RBFOX1: variants seen among roughly 807,000 people sequenced by gnomAD.
RBFOX1 encodes RNA binding protein fox-1 homolog 1.
RBFOX1 carries 8 observed loss-of-function variants against 57.7 expected under a neutral mutation model. The ratio of observed to expected loss-of-function variants is 0.14; its 90% CI spans 0.08 to 0.25. The LOEUF (loss-of-function observed/expected upper bound fraction) is 0.25, where lower values mean the gene tolerates loss of function less well. Among genes scored for constraint, RBFOX1 ranks in the 10% least tolerant of loss-of-function variants. The probability of loss-of-function intolerance (pLI) is 1.00; values close to 1 mark genes in which losing one functional copy is unlikely to be tolerated. For missense variants in RBFOX1, 611 were observed against 548.5 expected, an observed-to-expected ratio of 1.11 and a Z score of -1.14; for synonymous variants, 326 against 222.4, an observed-to-expected ratio of 1.47 and a Z score of -4.15.
intron 4 of RBFOX1, among the ~76,000 whole-genome samples, chr16:7,419,193 C>A (rs558696041): frequency 2.0e-5 from 3 of 152,120 alleles, no homozygotes; most frequent in Admixed American, 6.5e-5. Flanking sequence ...CAAGCGTGAG[C>A]ACCACCACCG....
chr16:5,778,919 T>G (rs1430647808), intron 3 of RBFOX1, among the ~76,000 whole-genome samples: 2 of 152,214 alleles, frequency 1.3e-5, no homozygotes, highest in African/African-American at 4.8e-5. Context: ...TGTTTATGTG[T>G]CTGGCATATA....
At chr16:6,420,483 G>T (rs577831683) in intron 2 of RBFOX1, among the ~76,000 whole-genome samples, 2 of 151,912 alleles carry the variant, frequency 1.3e-5, no homozygotes, top group Admixed American at 1.3e-4. Context: ...AGAAAATGTA[G>T]TCTTTTGAAG....
intron 4 of RBFOX1, among the ~76,000 whole-genome samples, chr16:7,516,000 A>C (rs13331552): frequency 0.86 from 130,609 of 152,068 alleles, 56,904 homozygotes; most frequent in Non-Finnish European, 0.94. Context: ...ATGTGCCACC[A>C]TGCCCGGCTA....
chr16:5,660,001 C>G (rs2049592543), intron 3 of RBFOX1, among the ~76,000 whole-genome samples: 1 of 152,126 alleles, frequency 6.6e-6, no homozygotes, highest in African/African-American at 2.4e-5. Flanking sequence ...TTTTATAGTT[C>G]TTTTTATTCT....
chr16:5,705,151 C>A (rs933876782), intron 3 of RBFOX1, among the ~76,000 whole-genome samples: 1 of 152,140 alleles, frequency 6.6e-6, no homozygotes, highest in Non-Finnish European at 1.5e-5. Flanking sequence ...TTCCTGCAAC[C>A]TTTGATCTTT....
chr16:5,954,828 A>T (rs57104100), intron 4 of RBFOX1, among the ~76,000 whole-genome samples: 11 of 151,814 alleles, frequency 7.2e-5, no homozygotes, highest in Non-Finnish European at 1.3e-4. Flanking sequence ...TATTTCTAGG[A>T]TGTTATGGAG....
chr16:6,832,785 C>T lies in RBFOX1; in HGVS notation c.-16+178135C>T, dbSNP rs527618845. Reference sequence around the variant, plus strand: ...CTGTTTGAGCTGCCAGGCTTGTGCTCCTAGGTGAGCAGCCCAGCTACTGTT... The same window carrying T: ...CTGTTTGAGCTGCCAGGCTTGTGCTTCTAGGTGAGCAGCCCAGCTACTGTT... On this transcript the variant is annotated intron_variant, in intron 3 of 15. Coordinates refer to ENST00000550418, the MANE Select transcript of RBFOX1 (RefSeq NM_018723.4). Among the ~76,000 whole-genome samples, 123 of 152,254 alleles carry T rather than the reference C, an allele frequency of 8.1e-4. 1 individual carries two copies. Among genetic ancestry groups the T allele is most frequent in the African/African-American group, 2.8e-3 (116 of 41,540 alleles).
chr16:7,032,458 A>G (rs2043055653), intron 3 of RBFOX1, among the ~76,000 whole-genome samples: 1 of 152,058 alleles, frequency 6.6e-6, no homozygotes. Flanking sequence ...CAAACAAATA[A>G]ATAAATAAAT....
chr16:7,291,369 A>G (rs1013443306), intron 4 of RBFOX1, among the ~76,000 whole-genome samples: 3 of 152,210 alleles, frequency 2.0e-5, no homozygotes, highest in Non-Finnish European at 4.4e-5. Context: ...TTACCTAAGT[A>G]TAGCTTTTTC....
At chr16:7,005,073 G>A (rs2093177931) in intron 3 of RBFOX1, among the ~76,000 whole-genome samples, 1 of 152,158 alleles carries the variant, frequency 6.6e-6, no homozygotes, top group Non-Finnish European at 1.5e-5. Flanking sequence ...GAATCCAGGA[G>A]GCAGAAGTTG....
At chr16:5,269,404 C>T (rs981128154) in intron 1 of RBFOX1, among the ~76,000 whole-genome samples, 9 of 152,256 alleles carry the variant, frequency 5.9e-5, no homozygotes, top group African/African-American at 2.2e-4. Context: ...CAGGTCCACA[C>T]AAAAACTTGT....
chr16:5,825,980 C>A (rs1447677570), intron 3 of RBFOX1, among the ~76,000 whole-genome samples: 3 of 84,202 alleles, frequency 3.6e-5, no homozygotes, highest in African/African-American at 5.9e-5. Context: ...GAATAATATT[C>A]CGTAATATGA....
At chr16:5,420,820 G>A (rs2067295972) in intron 1 of RBFOX1, among the ~76,000 whole-genome samples, 1 of 151,600 alleles carries the variant, frequency 6.6e-6, no homozygotes, top group South Asian at 2.1e-4. Context: ...CCAGGCATGA[G>A]CCACCATGCC....
At chr16:7,238,619 T>C (rs763777198) in intron 4 of RBFOX1, among the ~76,000 whole-genome samples, 4 of 152,228 alleles carry the variant, frequency 2.6e-5, no homozygotes, top group African/African-American at 4.8e-5. Context: ...AAAATGAATA[T>C]GCATTTCTTT....
At chr16:7,578,076 T>G (rs985157214) in intron 5 of RBFOX1, among the ~76,000 whole-genome samples, 1 of 152,232 alleles carries the variant, frequency 6.6e-6, no homozygotes, top group Non-Finnish European at 1.5e-5. Context: ...TGAAAACCTT[T>G]CCTTCGTGTT....
At chr16:7,439,868 A>G (rs1253468828) in intron 4 of RBFOX1, among the ~76,000 whole-genome samples, 1 of 152,122 alleles carries the variant, frequency 6.6e-6, no homozygotes, top group Non-Finnish European at 1.5e-5. Flanking sequence ...GTGTGTTCAA[A>G]GCTAATAGAA....
At chr16:5,348,479 G>A (rs115335105) in intron 1 of RBFOX1, among the ~76,000 whole-genome samples, 5 of 152,282 alleles carry the variant, frequency 3.3e-5, no homozygotes, top group South Asian at 4.2e-4. Context: ...TTACAGATGA[G>A]GAAACAGGCA....
chr16:6,667,036 T>C (rs1397803767), intron 3 of RBFOX1, among the ~76,000 whole-genome samples: 2 of 152,186 alleles, frequency 1.3e-5, no homozygotes, highest in African/African-American at 4.8e-5. Flanking sequence ...TTAACTCTTT[T>C]ACTAAACGTT....
chr16:6,868,660 T>C (rs1409929407), intron 3 of RBFOX1, among the ~76,000 whole-genome samples: 1 of 152,110 alleles, frequency 6.6e-6, no homozygotes, highest in Non-Finnish European at 1.5e-5. Flanking sequence ...TTCCTAGAGA[T>C]AGGGTTTCAC....
Sources: allele counts gnomAD v4.1 joint callset (sites outside exome capture counted in the v4.1 genomes callset), GRCh38; gene constraint gnomAD v4.1.1; transcripts MANE v1.5; gene names NCBI Gene and HGNC (gene_info 2026-07-23, HGNC 2026-07-21).